The following C10orf67 variants were observed in gnomAD, a reference collection of about 807,000 sequenced individuals.
The protein encoded by C10orf67 is uncharacterized protein C10orf67, mitochondrial.
A neutral mutation model predicts 35.6 loss-of-function variants in C10orf67; 60 were observed. The ratio of observed to expected loss-of-function variants is 1.68; its 90% CI spans 1.37 to 2.09. C10orf67 has a LOEUF of 2.09. C10orf67 is among the 30% of genes most tolerant of loss of function. The pLI is 0.00. For synonymous variants in C10orf67, 167 were observed against 115.8 expected (o/e 1.44, Z -2.84); for missense variants, 474 against 330.2 (o/e 1.44, Z -3.38).
intron 3 of C10orf67, 65 bp from the exon 4 acceptor site, chr10:23,320,880 G>T: frequency 1.9e-6 from 2 of 1,060,524 alleles, no homozygotes; most frequent in Non-Finnish European, 1.4e-6. Context: ...ACACCTACTA[G>T]GGAGGGACTC....
intron 7 of C10orf67, among the ~76,000 whole-genome samples, chr10:23,286,860 T>G (rs1475998547): frequency 6.6e-6 from 1 of 152,170 alleles, no homozygotes; most frequent in African/African-American, 2.4e-5. Flanking sequence ...GGGATTCAGT[T>G]ATCAGGGAAA....
chr10:23,219,699 A>G (rs747830858), intron 15 of C10orf67, among the ~76,000 whole-genome samples: 6 of 152,218 alleles, frequency 3.9e-5, no homozygotes, highest in African/African-American at 1.4e-4. Context: ...AGAACTTGCA[A>G]CATAACAAAA....
chr10:23,262,165 G>C (rs190079944), intron 10 of C10orf67, among the ~76,000 whole-genome samples: 1 of 152,290 alleles, frequency 6.6e-6, no homozygotes, highest in Admixed American at 6.5e-5. Flanking sequence ...CAGATGTGAC[G>C]ATGGCAGTCA....
intron 13 of C10orf67, among the ~76,000 whole-genome samples, chr10:23,225,343 CT>C (rs1341524121): frequency 6.6e-6 from 1 of 152,158 alleles, no homozygotes. Flanking sequence ...ACCACCAGGC[CT>C]GCCCTAAAAG....
In C10orf67 at chr10:23,327,759, A is replaced by C. The variant is rs569473662; in HGVS notation, c.328-5222T>G. Reference sequence around the variant, plus strand: ...AGAATCGCTTGAACCTGGGAGGTGGAGGTTGCAGTGAGAAGAGATCGCACC... The same window carrying C: ...AGAATCGCTTGAACCTGGGAGGTGGCGGTTGCAGTGAGAAGAGATCGCACC... On this transcript the variant is annotated intron_variant, in intron 2 of 15. Coordinates refer to ENST00000636213, the MANE Select transcript of C10orf67 (RefSeq NM_001371909.1). Among the ~76,000 whole-genome samples the C allele has an allele frequency of 4.0e-5, 6 of 151,524 alleles. 1 individual carries two copies. Among genetic ancestry groups the C allele is most frequent in the African/African-American group, 1.5e-4 (6 of 41,278 alleles).
At chr10:23,209,363 G>T (rs1217053350) in intron 15 of C10orf67, among the ~76,000 whole-genome samples, 1 of 152,124 alleles carries the variant, frequency 6.6e-6, no homozygotes, top group Admixed American at 6.5e-5. Context: ...AACCAGGACA[G>T]GTTGGTGTCT....
At chr10:23,279,787 C>A (rs574107973) in intron 8 of C10orf67, among the ~76,000 whole-genome samples, 34 of 151,386 alleles carry the variant, frequency 2.2e-4, no homozygotes, top group Middle Eastern at 3.5e-3. Flanking sequence ...GCTTACCTAA[C>A]ATATATATTA....
Position 23,289,978 on chromosome 10 carries a change from G to A in C10orf67, c.851-20C>T. On this transcript the variant is annotated intron_variant, in intron 6 of 15. Transcript: ENST00000636213. ...CATCTTCTGTAAACAAAAGGAGAGAGAGGCCAACCATGAAATTACATGCTT... is the reference window on the plus strand; with the variant it reads ...CATCTTCTGTAAACAAAAGGAGAGAAAGGCCAACCATGAAATTACATGCTT... 1 of 715,936 alleles carries A rather than the reference G, an allele frequency of 1.4e-6. No homozygotes were observed. The highest frequency in any genetic ancestry group is 2.6e-6 in the Non-Finnish European group (1 of 384,422). The allele number at this position is 715,936 out of a possible 1,614,324, so 44.3% of individuals were successfully genotyped here.
chr10:23,281,910 AGTCATTC>A, intron 8 of C10orf67, 96 bp downstream of exon 8: 1 of 436,240 alleles, frequency 2.3e-6, no homozygotes, highest in East Asian at 3.7e-5. Flanking sequence ...AGATGAAATG[AGTCATTC>A]ACAGGAAACA....
At chr10:23,321,129 T>C (rs377398355) in intron 3 of C10orf67, among the ~76,000 whole-genome samples, 3 of 152,358 alleles carry the variant, frequency 2.0e-5, no homozygotes, top group South Asian at 4.1e-4. Flanking sequence ...GTAAAGTCTA[T>C]TTGTGATGCC....
intron 12 of C10orf67, among the ~76,000 whole-genome samples, chr10:23,242,968 A>G (rs1842221621): frequency 6.6e-6 from 1 of 152,174 alleles, no homozygotes; most frequent in African/African-American, 2.4e-5. Context: ...TAGAAACCCA[A>G]TTATATGCTG....
At chr10:23,254,831 T>C (rs1169127442) in intron 10 of C10orf67, among the ~76,000 whole-genome samples, 3 of 152,180 alleles carry the variant, frequency 2.0e-5, no homozygotes, top group South Asian at 2.1e-4. Context: ...GTCAGTACAT[T>C]TAATTTCCAC....
In C10orf67 at chr10:23,233,188, A is replaced by G. The variant is rs371882067; in HGVS notation, c.1434+6541T>C. Among the ~76,000 whole-genome samples the G allele has an allele frequency of 3.3e-5, 5 of 152,188 alleles. No homozygotes were observed. The East Asian group carries it at 7.7e-4, about 23-fold the overall frequency. On this transcript the variant is annotated intron_variant, in intron 13 of 15. Coordinates refer to ENST00000636213, the MANE Select transcript of C10orf67 (RefSeq NM_001371909.1). ...AAAAAGAAAAGTGTACATAAGAAACATGTCTGAGTTGAAGAAAAGCACTAT... is the reference window on the plus strand; with the variant it reads ...AAAAAGAAAAGTGTACATAAGAAACGTGTCTGAGTTGAAGAAAAGCACTAT...
intron 2 of C10orf67, among the ~76,000 whole-genome samples, chr10:23,328,989 C>A (rs1218038823): frequency 7.4e-3 from 49 of 6,666 alleles, no homozygotes; most frequent in African/African-American, 0.012. Flanking sequence ...GTCTCATAAA[C>A]GAACAAAAAA....
In C10orf67 at chr10:23,268,337, G is replaced by A. The variant is rs1336023005; in HGVS notation, c.976-1083C>T. Among the ~76,000 whole-genome samples, 5 of 152,258 alleles carry A rather than the reference G, an allele frequency of 3.3e-5. No individual in the cohort carries two copies. In the South Asian group the frequency reaches 8.3e-4, roughly 25 times the overall value. Reference sequence around the variant, plus strand: ...TTAATTTCTAGGTATAAAAGGTACTGTATCAAAAAATGTATTATTAGTGCA... The same window carrying A: ...TTAATTTCTAGGTATAAAAGGTACTATATCAAAAAATGTATTATTAGTGCA... On this transcript the variant is annotated intron_variant, in intron 8 of 15. Transcript: ENST00000636213.
intron 5 of C10orf67, among the ~76,000 whole-genome samples, chr10:23,299,088 G>T (rs775368684): frequency 2.0e-5 from 3 of 152,192 alleles, no homozygotes; most frequent in Non-Finnish European, 2.9e-5. Context: ...AAACCACTCT[G>T]CTTCCTCTGG....
intron 5 of C10orf67, among the ~76,000 whole-genome samples, chr10:23,297,790 A>G (rs1007033705): frequency 2.0e-5 from 3 of 152,242 alleles, no homozygotes; most frequent in African/African-American, 7.2e-5. Context: ...CTGGCCCTTC[A>G]AGTAATAGAG....
At chr10:23,214,107 G>A (rs1426287944) in intron 15 of C10orf67, among the ~76,000 whole-genome samples, 2 of 151,872 alleles carry the variant, frequency 1.3e-5, no homozygotes, top group African/African-American at 2.4e-5. Context: ...AAAGAGGCCA[G>A]TGCATGCAAC....
chr10:23,237,748 A>G (rs1249929417), intron 13 of C10orf67, among the ~76,000 whole-genome samples: 1 of 152,224 alleles, frequency 6.6e-6, no homozygotes, highest in African/African-American at 2.4e-5. Context: ...CTGTAGTGAT[A>G]GAAATCAAAA....
Sources: allele counts gnomAD v4.1 joint callset (sites outside exome capture counted in the v4.1 genomes callset), GRCh38; gene constraint gnomAD v4.1.1; transcripts MANE v1.5; gene names NCBI Gene and HGNC (gene_info 2026-07-23, HGNC 2026-07-21).